Variants in SLCO6A1 observed in about 807,000 individuals in gnomAD.
SLCO6A1 encodes the protein solute carrier organic anion transporter family member 6A1, also known as cancer/testis antigen 48.
Under a neutral mutation model 72.7 loss-of-function variants are expected in SLCO6A1, and 65 were observed. The ratio of observed to expected loss-of-function variants is 0.89; its 90% CI spans 0.73 to 1.10. SLCO6A1 has a LOEUF of 1.10. Among genes scored for constraint, SLCO6A1 ranks in the 50% least tolerant of loss-of-function variants. The probability of loss-of-function intolerance (pLI) is 0.00; values close to 1 mark genes in which losing one functional copy is unlikely to be tolerated. For synonymous variants in SLCO6A1, 314 were observed against 298.2 expected, an observed-to-expected ratio of 1.05 and a Z score of -0.55; for missense variants, 874 against 872.6, an observed-to-expected ratio of 1.00 and a Z score of -0.02.
intron 7 of SLCO6A1, among the ~76,000 whole-genome samples, chr5:102,435,029 T>A (rs1044293509): frequency 6.6e-6 from 1 of 152,206 alleles, no homozygotes; most frequent in Admixed American, 6.5e-5. Context: ...AATAGCTGGG[T>A]TGACTGGAGG....
At chr5:102,372,473 A>T (rs991337817) in intron 13 of SLCO6A1, among the ~76,000 whole-genome samples, 5 of 152,014 alleles carry the variant, frequency 3.3e-5, no homozygotes, top group African/African-American at 1.2e-4. Flanking sequence ...ATTGATGTAC[A>T]ATAATGTATA....
intron 6 of SLCO6A1, among the ~76,000 whole-genome samples, chr5:102,446,707 A>G (rs1750126984): frequency 6.6e-6 from 1 of 151,454 alleles, no homozygotes; most frequent in African/African-American, 2.4e-5. Flanking sequence ...GTAATAGATG[A>G]CTCTTATTTT....
At chr5:102,414,941 T>TAAATA (rs1224071802) in intron 8 of SLCO6A1, among the ~76,000 whole-genome samples, 52 of 149,550 alleles carry the variant, frequency 3.5e-4, no homozygotes, top group Non-Finnish European at 6.0e-4. Context: ...ATAAATAAAT[T>TAAATA]AATTAATAAG....
chr5:102,438,721 G>T lies in SLCO6A1; in HGVS notation c.1172C>A (p.Ser391Ter). 1 of 1,590,440 alleles carries T rather than the reference G, an allele frequency of 6.3e-7. No homozygotes were observed. Among genetic ancestry groups the T allele is most frequent in the African/African-American group, 1.3e-5 (1 of 74,074 alleles). ...AATAACTAAATATTCTGTAGCTTTT[G>T]ACAGAGCTAGGCATATGAGCACTGG... ...KNPVLICLAL[S>*]KATEYLVIIG... Residue 391 changes from serine (S) to a stop codon, truncating the protein, a stop_gained, in exon 7 of 14, where the codon TCA becomes TAA. Transcript: ENST00000506729. LOFTEE classifies it high-confidence loss of function.
At chr5:102,475,233 A>G (rs1358238208) in intron 4 of SLCO6A1, among the ~76,000 whole-genome samples, 1 of 152,148 alleles carries the variant, frequency 6.6e-6, no homozygotes, top group Non-Finnish European at 1.5e-5. Flanking sequence ...GGTATGTACA[A>G]TAATACAGTG....
intron 11 of SLCO6A1, among the ~76,000 whole-genome samples, 161 bp from the exon 12 acceptor site, chr5:102,388,986 GAA>G (rs1230528121): frequency 5.3e-5 from 8 of 152,234 alleles, no homozygotes; most frequent in African/African-American, 1.9e-4. Flanking sequence ...TTAATCACTG[GAA>G]ACAATGTGAG....
intron 6 of SLCO6A1, 133 bp from the exon 7 acceptor site, chr5:102,438,894 TA>T (rs10612438): frequency 3.2e-4 from 160 of 492,332 alleles, no homozygotes; most frequent in Non-Finnish European, 3.7e-4. Flanking sequence ...AATTGATAGA[TA>T]GATGATAGAT....
intron 12 of SLCO6A1, among the ~76,000 whole-genome samples, chr5:102,386,417 A>G (rs72779936): frequency 1.3e-5 from 2 of 152,094 alleles, no homozygotes; most frequent in Non-Finnish European, 2.9e-5. Flanking sequence ...GGTGGTTCTA[A>G]AGCATGGGTC....
intron 11 of SLCO6A1, 45 bp downstream of exon 11, chr5:102,390,936 T>A: frequency 6.6e-7 from 1 of 1,525,494 alleles, no homozygotes; most frequent in Non-Finnish European, 9.1e-7. Context: ...TATATACATA[T>A]CAAAAAACAT....
chr5:102,426,876 C>T (rs1214067259), intron 7 of SLCO6A1, among the ~76,000 whole-genome samples: 2 of 151,668 alleles, frequency 1.3e-5, no homozygotes, highest in African/African-American at 4.8e-5. Flanking sequence ...CCCAAATGCC[C>T]ATTCATGATA....
At chr5:102,489,213 C>T (rs1358534786) in intron 1 of SLCO6A1, among the ~76,000 whole-genome samples, 1 of 152,214 alleles carries the variant, frequency 6.6e-6, no homozygotes, top group African/African-American at 2.4e-5. Context: ...CACGCAACCT[C>T]AGACCTGCAA....
intron 4 of SLCO6A1, among the ~76,000 whole-genome samples, chr5:102,472,558 A>T (rs1478103186): frequency 6.6e-6 from 1 of 152,112 alleles, no homozygotes; most frequent in African/African-American, 2.4e-5. Flanking sequence ...CTAGTTCCCA[A>T]TATATAATTA....
intron 7 of SLCO6A1, among the ~76,000 whole-genome samples, chr5:102,430,163 A>G (rs1749135653): frequency 6.6e-6 from 1 of 152,096 alleles, no homozygotes; most frequent in African/African-American, 2.4e-5. Context: ...GTATCCAGAA[A>G]CTTTGCTGAT....
intron 7 of SLCO6A1, among the ~76,000 whole-genome samples, chr5:102,436,648 C>T (rs946959019): frequency 6.6e-6 from 1 of 152,118 alleles, no homozygotes; most frequent in African/African-American, 2.4e-5. Context: ...TCCCCATGAG[C>T]TACAAATCTC....
intron 9 of SLCO6A1, among the ~76,000 whole-genome samples, chr5:102,406,741 AT>A (rs1230757140): frequency 6.6e-6 from 1 of 152,192 alleles, no homozygotes; most frequent in Non-Finnish European, 1.5e-5. Flanking sequence ...AGAGATTTGT[AT>A]TCTAAAAAAA....
At chr5:102,451,612 A>C (rs994396371) in intron 6 of SLCO6A1, among the ~76,000 whole-genome samples, 4 of 152,108 alleles carry the variant, frequency 2.6e-5, no homozygotes, top group Non-Finnish European at 4.4e-5. Flanking sequence ...GGTTGCAAAG[A>C]TCTGTGGCAG....
At chr5:102,468,342 A>G (rs1242473116) in intron 4 of SLCO6A1, among the ~76,000 whole-genome samples, 2 of 152,014 alleles carry the variant, frequency 1.3e-5, no homozygotes, top group African/African-American at 4.8e-5. Flanking sequence ...ATATCTGTTA[A>G]GTCCATTTGT....
At chr5:102,451,890 T>C (rs1750436877) in intron 6 of SLCO6A1, among the ~76,000 whole-genome samples, 1 of 152,218 alleles carries the variant, frequency 6.6e-6, no homozygotes, top group Admixed American at 6.5e-5. Context: ...CTCTCTAATA[T>C]AGTTTTGAAA....
intron 1 of SLCO6A1, among the ~76,000 whole-genome samples, chr5:102,482,060 A>T (rs1313645374): frequency 1.3e-5 from 2 of 152,194 alleles, no homozygotes. Flanking sequence ...TTTACATTAG[A>T]TGTGGCCAAG....
Sources: gnomAD v4.1 joint callset for allele counts (sites outside exome capture counted in the v4.1 genomes callset) on GRCh38, gnomAD v4.1.1 for gene constraint, MANE v1.5 for transcripts, NCBI Gene and HGNC (gene_info 2026-07-23, HGNC 2026-07-21) for gene names.